PTK2: variants seen among roughly 807,000 people sequenced by gnomAD.
PTK2 encodes the protein focal adhesion kinase 1.
A neutral mutation model predicts 150.1 loss-of-function variants in PTK2; 45 were observed. The ratio of observed to expected loss-of-function variants is 0.30; its 90% confidence interval spans 0.24 to 0.38. The LOEUF is 0.38. PTK2 is among the 10% of genes least tolerant of loss of function. PTK2 has a pLI of 1.00. For synonymous variants in PTK2, 432 were observed against 449.2 expected (o/e 0.96, Z 0.48); for missense variants, 919 against 1,307.3 (o/e 0.70, Z 4.58).
At chr8:140,694,116 C>G (rs995521259) in intron 26 of PTK2, among the ~76,000 whole-genome samples, 1 of 150,970 alleles carries the variant, frequency 6.6e-6, no homozygotes, top group Non-Finnish European at 1.5e-5. Flanking sequence ...TCTCGGCTCA[C>G]TGCAAGCTCC....
intron 8 of PTK2, among the ~76,000 whole-genome samples, chr8:140,825,735 T>C (rs555227058): frequency 7.9e-5 from 12 of 152,340 alleles, no homozygotes; most frequent in African/African-American, 2.9e-4. Flanking sequence ...ACACTGCATT[T>C]ACACATCTTG....
chr8:140,822,673 A>G (rs940784330), intron 8 of PTK2, among the ~76,000 whole-genome samples: 5 of 152,214 alleles, frequency 3.3e-5, no homozygotes, highest in Admixed American at 6.5e-5. Context: ...TATGGGTCTC[A>G]TACTGCTTTG....
At chr8:140,818,697 G>A (rs542628075) in intron 9 of PTK2, among the ~76,000 whole-genome samples, 183 bp downstream of exon 9, 1 of 152,162 alleles carries the variant, frequency 6.6e-6, no homozygotes, top group African/African-American at 2.4e-5. Context: ...TTAAAAAGGT[G>A]ATTTTATTCT....
intron 26 of PTK2, among the ~76,000 whole-genome samples, chr8:140,689,967 TTTTGAGATGGAGTCTCCCTCTGTC>T (rs1482959660): frequency 6.6e-6 from 1 of 152,218 alleles, no homozygotes; most frequent in Non-Finnish European, 1.5e-5. Context: ...TTATTTATTT[TTTTGAGATGGAGTCTCCCTCTGTC>T]TCCCAGGCTG....
At chr8:140,968,640 A>C (rs946136510) in intron 1 of PTK2, among the ~76,000 whole-genome samples, 2 of 152,342 alleles carry the variant, frequency 1.3e-5, no homozygotes, top group Admixed American at 6.5e-5. Flanking sequence ...CCACAAAATT[A>C]TATTGTGTGA....
At chr8:140,825,645 A>G (rs2100111370) in intron 8 of PTK2, among the ~76,000 whole-genome samples, 1 of 152,248 alleles carries the variant, frequency 6.6e-6, no homozygotes, top group African/African-American at 2.4e-5. Context: ...ACCCACTGGT[A>G]GGACAACATT....
intron 2 of PTK2, among the ~76,000 whole-genome samples, chr8:140,912,437 TGGGCAA>T (rs1196504943): frequency 6.6e-6 from 1 of 151,938 alleles, no homozygotes; most frequent in Non-Finnish European, 1.5e-5. Context: ...GAGATCAGCC[TGGGCAA>T]CGTATTAACA....
chr8:140,704,530 T>C (rs1174161147), intron 24 of PTK2, among the ~76,000 whole-genome samples: 1 of 152,186 alleles, frequency 6.6e-6, no homozygotes, highest in African/African-American at 2.4e-5. Context: ...GAACTGTCTC[T>C]CTGCTAACAG....
chr8:140,847,145 T>C (rs1177013341), intron 5 of PTK2, among the ~76,000 whole-genome samples: 1 of 152,312 alleles, frequency 6.6e-6, no homozygotes, highest in South Asian at 2.1e-4. Flanking sequence ...TTTCCATTTC[T>C]ACAAAAATTT....
At chr8:140,672,781 C>G (rs189650775) in intron 29 of PTK2, among the ~76,000 whole-genome samples, 199 of 152,332 alleles carry the variant, frequency 1.3e-3, no homozygotes, top group African/African-American at 4.6e-3. Flanking sequence ...CTACATCTAA[C>G]GAAGCTTCAG....
chr8:140,841,948 T>C (rs537010273), intron 7 of PTK2, among the ~76,000 whole-genome samples: 23 of 151,728 alleles, frequency 1.5e-4, no homozygotes, highest in Admixed American at 2.0e-4. Flanking sequence ...CACTATTATG[T>C]GGCTGTTTAA....
intron 4 of PTK2, chr8:140,879,040 G>T (rs2100147346): frequency 6.6e-6 from 1 of 152,300 alleles, no homozygotes; most frequent in Admixed American, 6.5e-5. Context: ...TAGATTACAG[G>T]GCATAATAAA....
intron 2 of PTK2, among the ~76,000 whole-genome samples, chr8:140,891,786 G>A (rs1755193041): frequency 6.6e-6 from 1 of 152,214 alleles, no homozygotes; most frequent in Non-Finnish European, 1.5e-5. Flanking sequence ...AAGGGTTTAG[G>A]AAACAGGAAT....
At chr8:140,737,786 A>G (rs1465541713) in intron 21 of PTK2, among the ~76,000 whole-genome samples, 1 of 152,248 alleles carries the variant, frequency 6.6e-6, no homozygotes, top group Admixed American at 6.5e-5. Flanking sequence ...AAAAATAGGC[A>G]TCTTAGAAGT....
chr8:140,756,381 T>C (rs2100065731), intron 16 of PTK2, among the ~76,000 whole-genome samples: 1 of 150,612 alleles, frequency 6.6e-6, no homozygotes, highest in African/African-American at 2.4e-5. Context: ...GGACTGGAAT[T>C]CATTCAACAA....
intron 5 of PTK2, among the ~76,000 whole-genome samples, chr8:140,854,970 AAT>A (rs2100131633): frequency 1.3e-5 from 2 of 152,114 alleles, no homozygotes. Context: ...GGCTAAACCA[AAT>A]ATATATATGT....
chr8:140,805,049 A>G (rs928426391), intron 10 of PTK2, among the ~76,000 whole-genome samples: 1 of 152,094 alleles, frequency 6.6e-6, no homozygotes. Context: ...GGGCCCTGTT[A>G]TTCCCCCTAG....
intron 8 of PTK2, among the ~76,000 whole-genome samples, chr8:140,820,098 T>TA (rs2100107411): frequency 1.1e-5 from 1 of 91,846 alleles, no homozygotes; most frequent in Non-Finnish European, 2.1e-5. Context: ...TTTTTTTTTT[T>TA]TTTTTTTTTT....
intron 7 of PTK2, among the ~76,000 whole-genome samples, chr8:140,844,857 T>C (rs13256088): frequency 0.42 from 63,387 of 151,702 alleles, 14,813 homozygotes; most frequent in Non-Finnish European, 0.54. Flanking sequence ...AAAACATGAA[T>C]GTTCCCATAG....
Sources: allele counts gnomAD v4.1 joint callset (sites outside exome capture counted in the v4.1 genomes callset), GRCh38; gene constraint gnomAD v4.1.1; transcripts MANE v1.5; gene names NCBI Gene and HGNC (gene_info 2026-07-23, HGNC 2026-07-21).